Variants in LHFPL6 observed in about 807,000 individuals in gnomAD.
LHFPL6 encodes LHFPL tetraspan subfamily member 6 protein.
LHFPL6 carries 9 observed loss-of-function variants against 20.6 expected under a neutral mutation model. The observed-to-expected ratio is 0.44, with a 90% confidence interval of 0.26 to 0.76. LHFPL6 has a LOEUF of 0.76. Among genes scored for constraint, LHFPL6 ranks in the 30% least tolerant of loss-of-function variants. The probability of loss-of-function intolerance (pLI) is 0.20; values close to 1 mark genes in which losing one functional copy is unlikely to be tolerated. For missense variants in LHFPL6, 218 were observed against 253.5 expected, an observed-to-expected ratio of 0.86 and a Z score of 0.95; for synonymous variants, 105 against 98.7, an observed-to-expected ratio of 1.06 and a Z score of -0.38.
chr13:39,381,366 G>A (rs762420266), intron 2 of LHFPL6, among the ~76,000 whole-genome samples: 1 of 152,198 alleles, frequency 6.6e-6, no homozygotes. Flanking sequence ...ACACTTGGCA[G>A]TCAGAGTCTT....
At chr13:39,460,465 C>A (rs1259104223) in intron 2 of LHFPL6, among the ~76,000 whole-genome samples, 3 of 152,138 alleles carry the variant, frequency 2.0e-5, no homozygotes, top group African/African-American at 7.2e-5. Context: ...AGAAAACAAC[C>A]CAAACAAGCA....
At chr13:39,362,488 G>C (rs1258216172) in intron 3 of LHFPL6, among the ~76,000 whole-genome samples, 1 of 152,214 alleles carries the variant, frequency 6.6e-6, no homozygotes, top group Admixed American at 6.5e-5. Context: ...TACAATGGGT[G>C]TATGTATATG....
At chr13:39,361,649 A>G (rs1410556123) in intron 3 of LHFPL6, among the ~76,000 whole-genome samples, 5 of 152,122 alleles carry the variant, frequency 3.3e-5, no homozygotes, top group Non-Finnish European at 4.4e-5. Flanking sequence ...TGTGCTTTTC[A>G]TTTGTTATAT....
intron 2 of LHFPL6, among the ~76,000 whole-genome samples, chr13:39,591,917 G>T (rs1396743086): frequency 1.3e-5 from 2 of 152,074 alleles, no homozygotes; most frequent in African/African-American, 4.8e-5. Context: ...CCAACAAGGT[G>T]AAACACCGTC....
intron 2 of LHFPL6, among the ~76,000 whole-genome samples, chr13:39,420,784 G>A (rs1460161063): frequency 7.2e-5 from 11 of 152,102 alleles, no homozygotes; most frequent in Non-Finnish European, 1.2e-4. Context: ...GTATGCTGTC[G>A]CAAACAACAA....
At chr13:39,467,237 G>A (rs1295498584) in intron 2 of LHFPL6, among the ~76,000 whole-genome samples, 1 of 152,076 alleles carries the variant, frequency 6.6e-6, no homozygotes, top group Non-Finnish European at 1.5e-5. Flanking sequence ...AGTCTCCTGA[G>A]TCTGGGTGCC....
intron 2 of LHFPL6, among the ~76,000 whole-genome samples, chr13:39,380,517 T>TG (rs1220762000): frequency 1.3e-5 from 2 of 151,406 alleles, no homozygotes; most frequent in Non-Finnish European, 3.0e-5. Context: ...TCAGTTTTTT[T>TG]TTTTTTTTTT....
intron 2 of LHFPL6, among the ~76,000 whole-genome samples, chr13:39,572,456 C>T (rs1033776312): frequency 1.3e-5 from 2 of 151,902 alleles, no homozygotes; most frequent in African/African-American, 4.8e-5. Flanking sequence ...GGTTCCAGTC[C>T]GATTCTCAAT....
At chr13:39,436,814 G>A (rs1871971494) in intron 2 of LHFPL6, among the ~76,000 whole-genome samples, 1 of 152,178 alleles carries the variant, frequency 6.6e-6, no homozygotes, top group Non-Finnish European at 1.5e-5. Flanking sequence ...CCCAGTGTGT[G>A]CCTAACAATA....
At chr13:39,483,816 C>T (rs183489900) in intron 2 of LHFPL6, among the ~76,000 whole-genome samples, 1 of 152,276 alleles carries the variant, frequency 6.6e-6, no homozygotes, top group East Asian at 1.9e-4. Flanking sequence ...CCTCTTCCTT[C>T]CATGGGGAGG....
At chr13:39,411,505 T>C (rs934318489) in intron 2 of LHFPL6, among the ~76,000 whole-genome samples, 6 of 152,198 alleles carry the variant, frequency 3.9e-5, no homozygotes, top group African/African-American at 9.6e-5. Context: ...TTCACAGGAC[T>C]TCGGTTGCCT....
intron 2 of LHFPL6, among the ~76,000 whole-genome samples, chr13:39,558,094 G>A (rs1423025015): frequency 6.6e-6 from 1 of 152,112 alleles, no homozygotes; most frequent in African/African-American, 2.4e-5. Flanking sequence ...CCAGCCTTAG[G>A]CATTTCTTAA....
At chr13:39,465,382 G>C (rs1431421906) in intron 2 of LHFPL6, among the ~76,000 whole-genome samples, 1 of 152,060 alleles carries the variant, frequency 6.6e-6, no homozygotes, top group African/African-American at 2.4e-5. Context: ...AAAATTCTAG[G>C]CTCTTGCCTG....
At chr13:39,420,775 T>G (rs1020339158) in intron 2 of LHFPL6, among the ~76,000 whole-genome samples, 5 of 152,204 alleles carry the variant, frequency 3.3e-5, no homozygotes, top group Non-Finnish European at 5.9e-5. Context: ...ACCCTCATGG[T>G]ATGCTGTCGC....
chr13:39,503,309 C>T (rs1336286425), intron 2 of LHFPL6, among the ~76,000 whole-genome samples: 3 of 152,184 alleles, frequency 2.0e-5, no homozygotes, highest in Non-Finnish European at 4.4e-5. Context: ...TTCCCTCTGC[C>T]TCTAACACGT....
At chr13:39,462,808 C>T (rs143060541) in intron 2 of LHFPL6, among the ~76,000 whole-genome samples, 86 of 152,182 alleles carry the variant, frequency 5.7e-4, no homozygotes, top group Non-Finnish European at 5.7e-4. Flanking sequence ...AAAAGCCTCA[C>T]GCATTTAAGT....
rs190616613 is a variant in LHFPL6 at position 39,436,600 on chromosome 13, C to A, written c.386-58074G>T. Among the ~76,000 whole-genome samples, 5 of 152,306 alleles carry A rather than the reference C, an allele frequency of 3.3e-5. No homozygotes were observed. In the East Asian group the frequency reaches 9.6e-4, roughly 29 times the overall value. On this transcript the variant is annotated intron_variant, in intron 2 of 3. Coordinates refer to ENST00000379589, the MANE Select transcript of LHFPL6 (RefSeq NM_005780.3). ...AGAGTTTTTAACCTTCTAGTTCCTA[C>A]CAATACTTATAAACTATACTACCTT...
rs191316110 is a variant in LHFPL6, at chr13:39,376,466, T to C, written c.484+1962A>G. ...GGAAATCTCTTATTTGTTTTATCCA[T>C]GCAAATTAGGTGGTATTTAGAACAG... On this transcript the variant is annotated intron_variant, in intron 3 of 3. Coordinates refer to ENST00000379589, the MANE Select transcript of LHFPL6 (RefSeq NM_005780.3). 2.9e-3 allele frequency among the ~76,000 whole-genome samples: 437 copies of C among 152,296 alleles called. 5 individuals carry two copies. The highest frequency in any genetic ancestry group is 0.01 in the African/African-American group (419 of 41,560).
At chr13:39,429,272 G>T (rs1377969269) in intron 2 of LHFPL6, among the ~76,000 whole-genome samples, 3 of 151,066 alleles carry the variant, frequency 2.0e-5, no homozygotes, top group African/African-American at 7.3e-5. Flanking sequence ...ATTTTTCCTT[G>T]CAGTTTTATT....
Sources: gnomAD v4.1 joint callset for allele counts (sites outside exome capture counted in the v4.1 genomes callset) on GRCh38, gnomAD v4.1.1 for gene constraint, MANE v1.5 for transcripts, NCBI Gene and HGNC (gene_info 2026-07-23, HGNC 2026-07-21) for gene names.